Variants in NLGN1 observed in about 807,000 individuals in gnomAD.
NLGN1 encodes neuroligin 1.
A neutral mutation model predicts 65.5 loss-of-function variants in NLGN1; 12 were observed. The ratio of observed to expected loss-of-function variants is 0.18; its 90% confidence interval spans 0.12 to 0.30. The LOEUF (loss-of-function observed/expected upper bound fraction) is 0.30, where lower values mean the gene tolerates loss of function less well. Ranked by LOEUF, NLGN1 falls within the 10% of genes least tolerant of loss-of-function variation. NLGN1 has a pLI of 1.00. For missense variants in NLGN1, 750 were observed against 1,007.1 expected (o/e 0.74, Z 3.46); for synonymous variants, 350 against 359.5 (o/e 0.97, Z 0.30).
At chr3:174,215,228 A>G (rs1737381533) in intron 4 of NLGN1, among the ~76,000 whole-genome samples, 1 of 152,252 alleles carries the variant, frequency 6.6e-6, no homozygotes, top group South Asian at 2.1e-4. Context: ...TTATACTGCA[A>G]TTTATATTTA....
chr3:174,066,564 C>CTGTGTGTGTGTGTG (rs761468491), intron 4 of NLGN1, among the ~76,000 whole-genome samples: 66 of 100,086 alleles, frequency 6.6e-4, no homozygotes, highest in African/African-American at 2.3e-3. Context: ...CTCTCTCTCT[C>CTGTGTGTGTGTGTG]TGTGTGTGTG....
chr3:174,275,352 C>T (rs376806484), exon 5 of NLGN1: 43 of 1,612,448 alleles, frequency 2.7e-5, no homozygotes, highest in African/African-American at 4.0e-5. Context: ...CAAAGGGGAA[C>T]TATGGACTCC....
chr3:173,643,999 C>T (rs73880527), intron 3 of NLGN1, among the ~76,000 whole-genome samples: 4,503 of 152,262 alleles, frequency 0.03, 218 homozygotes, highest in African/African-American at 0.1. Flanking sequence ...TGCAGATCAC[C>T]TGAGCCCTGG....
intron 4 of NLGN1, among the ~76,000 whole-genome samples, chr3:173,972,095 C>T (rs1388799616): frequency 2.6e-5 from 4 of 152,028 alleles, no homozygotes; most frequent in Admixed American, 6.6e-5. Flanking sequence ...AACAGGACTA[C>T]GGGGCATAAA....
intron 3 of NLGN1, among the ~76,000 whole-genome samples, chr3:173,752,923 C>T (rs550642019): frequency 5.9e-5 from 9 of 152,168 alleles, no homozygotes; most frequent in Admixed American, 1.3e-4. Context: ...CACTCTCCTC[C>T]GATACCTACC....
chr3:173,609,856 G>C (rs184569393), intron 3 of NLGN1, among the ~76,000 whole-genome samples: 4 of 151,996 alleles, frequency 2.6e-5, no homozygotes, highest in African/African-American at 9.6e-5. Context: ...TATGGAGAGT[G>C]AAAATAGTTA....
At chr3:173,591,128 A>G (rs140046360) in intron 2 of NLGN1, among the ~76,000 whole-genome samples, 1 of 152,308 alleles carries the variant, frequency 6.6e-6, no homozygotes, top group African/African-American at 2.4e-5. Context: ...TCTCCCTATT[A>G]TAAAATTTGA....
At position 173,983,098 on chromosome 3, in the gene NLGN1, CTGTTTTTTCTTCATT is replaced by C. The variant is rs769851002; in HGVS notation, c.646+175267_646+175281del. ...TAAAAATACAAGTTTTCGAGTTCTT[CTGTTTTTTCTTCATT>C]ATTTTGGGTAAGTTATCATGTTTCT... On this transcript the variant is annotated intron_variant, in intron 4 of 6. Coordinates refer to ENST00000457714, the Ensembl canonical transcript of NLGN1. Among the ~76,000 whole-genome samples, 210 of 152,160 alleles carry C rather than the reference CTGTTTTTTCTTCATT, an allele frequency of 1.4e-3. No individual in the cohort carries two copies. In the Middle Eastern group the frequency reaches 0.024, roughly 17 times the overall value.
At chr3:173,678,281 G>C (rs1329907951) in intron 3 of NLGN1, among the ~76,000 whole-genome samples, 1 of 152,078 alleles carries the variant, frequency 6.6e-6, no homozygotes. Context: ...ATATGGCATG[G>C]TTCCTGCTTT....
intron 4 of NLGN1, among the ~76,000 whole-genome samples, chr3:173,882,112 G>A (rs1255634159): frequency 2.0e-5 from 3 of 152,274 alleles, no homozygotes; most frequent in East Asian, 1.9e-4. Flanking sequence ...TTGACAATAA[G>A]CAGTAATATT....
At position 173,852,831 on chromosome 3, in the gene NLGN1, A is replaced by T. The variant is rs554697933; in HGVS notation, c.646+44999A>T. Among the ~76,000 whole-genome samples, 5 of 152,346 alleles carry T rather than the reference A, an allele frequency of 3.3e-5. No homozygotes were observed. The South Asian group carries it at 1.0e-3, about 32-fold the overall frequency. ...TTCTTAAAATGATCAATAACAATCT[A>T]GCTAGATCTGCTAAGGGATGTTCAT... On this transcript the variant is annotated intron_variant, in intron 4 of 6. Transcript: ENST00000457714.
At chr3:173,728,172 G>C (rs1772133688) in intron 3 of NLGN1, among the ~76,000 whole-genome samples, 1 of 152,120 alleles carries the variant, frequency 6.6e-6, no homozygotes, top group African/African-American at 2.4e-5. Context: ...TTCGAAGTGA[G>C]AGAGAAGAAT....
chr3:173,515,737 G>A (rs937265936), intron 2 of NLGN1, among the ~76,000 whole-genome samples: 3 of 151,922 alleles, frequency 2.0e-5, no homozygotes, highest in African/African-American at 2.4e-5. Context: ...AGAAATTATC[G>A]TTTATCCATT....
At chr3:173,978,995 A>G (rs1482010640) in intron 4 of NLGN1, among the ~76,000 whole-genome samples, 1 of 151,682 alleles carries the variant, frequency 6.6e-6, no homozygotes, top group Admixed American at 6.6e-5. Flanking sequence ...ACAGAGTAAG[A>G]TTCTGTCTCA....
intron 3 of NLGN1, among the ~76,000 whole-genome samples, chr3:173,767,820 C>T (rs553371846): frequency 1.8e-4 from 27 of 151,950 alleles, no homozygotes; most frequent in Admixed American, 1.4e-3. Flanking sequence ...TCTTGAAATG[C>T]GTCTAGACAA....
chr3:173,539,693 C>CATATATAACATACATGTAT (rs1560406627), intron 2 of NLGN1, among the ~76,000 whole-genome samples: 5 of 95,392 alleles, frequency 5.2e-5, no homozygotes, highest in African/African-American at 2.3e-4. Flanking sequence ...CATATATGTA[C>CATATATAACATACATGTAT]ATATGCACAT....
chr3:173,469,837 T>G (rs2148921808), intron 2 of NLGN1, among the ~76,000 whole-genome samples: 1 of 152,096 alleles, frequency 6.6e-6, no homozygotes, highest in African/African-American at 2.4e-5. Context: ...AATTTAAAAT[T>G]TATAAGAAGT....
chr3:173,860,188 A>G (rs1464741703), intron 4 of NLGN1, among the ~76,000 whole-genome samples: 1 of 152,072 alleles, frequency 6.6e-6, no homozygotes, highest in Non-Finnish European at 1.5e-5. Context: ...TTCATTAAGT[A>G]ATTAACATTA....
At chr3:174,181,778 TACACACACACACACAC>T (rs3035853) in intron 4 of NLGN1, among the ~76,000 whole-genome samples, 3 of 142,590 alleles carry the variant, frequency 2.1e-5, no homozygotes, top group Non-Finnish European at 4.6e-5. Flanking sequence ...AAAATAAAAA[TACACACACACACACAC>T]ACACACACAC....
Sources: gnomAD v4.1 joint callset for allele counts (sites outside exome capture counted in the v4.1 genomes callset) on GRCh38, gnomAD v4.1.1 for gene constraint, MANE v1.5 for transcripts, NCBI Gene and HGNC (gene_info 2026-07-23, HGNC 2026-07-21) for gene names.